Variants in DLGAP5 observed in about 807,000 individuals in gnomAD.
DLGAP5 encodes the protein DLG associated protein 5.
DLGAP5 carries 90 observed loss-of-function variants against 99.6 expected under a neutral mutation model. That is an observed-to-expected ratio of 0.90 (90% CI 0.76 to 1.08). The LOEUF is 1.08. Ranked by LOEUF, DLGAP5 falls within the 50% of genes least tolerant of loss-of-function variation. The probability of loss-of-function intolerance (pLI) is 0.00; values close to 1 mark genes in which losing one functional copy is unlikely to be tolerated. For synonymous variants in DLGAP5, 311 were observed against 321.3 expected (o/e 0.97, Z 0.34); for missense variants, 1,036 against 983.5 (o/e 1.05, Z -0.71).
intron 7 of DLGAP5, among the ~76,000 whole-genome samples, chr14:55,178,867 T>C (rs1193515597): frequency 2.0e-5 from 3 of 152,174 alleles, no homozygotes; most frequent in Non-Finnish European, 4.4e-5. Flanking sequence ...GCCAACATGG[T>C]GAAACCTCGT....
chr14:55,157,019 G>C (rs1368269809), intron 14 of DLGAP5, among the ~76,000 whole-genome samples: 2 of 152,230 alleles, frequency 1.3e-5, no homozygotes, highest in Non-Finnish European at 2.9e-5. Flanking sequence ...TGTCAAGAGA[G>C]ATGGTGGTAA....
intron 9 of DLGAP5, 56 bp downstream of exon 9, chr14:55,175,838 A>G: frequency 1.4e-6 from 2 of 1,435,730 alleles, no homozygotes; most frequent in Non-Finnish European, 1.9e-6. Flanking sequence ...TGAAAGCAAA[A>G]TATTTTTTGT....
At chr14:55,152,910 G>A (rs1399716430) in intron 15 of DLGAP5, among the ~76,000 whole-genome samples, 1 of 152,170 alleles carries the variant, frequency 6.6e-6, no homozygotes, top group African/African-American at 2.4e-5. Context: ...GGCTCTACCA[G>A]CAATACTCTG....
intron 12 of DLGAP5, among the ~76,000 whole-genome samples, chr14:55,167,576 T>G (rs1312833556): frequency 1.3e-5 from 2 of 152,216 alleles, no homozygotes; most frequent in Non-Finnish European, 2.9e-5. Context: ...CGCCTCTTTC[T>G]GGGAATGGAG....
intron 15 of DLGAP5, among the ~76,000 whole-genome samples, chr14:55,153,767 TAC>T (rs1342967639): frequency 6.6e-6 from 1 of 151,432 alleles, no homozygotes; most frequent in African/African-American, 2.4e-5. Context: ...CTACAAGATA[TAC>T]AAAGTAGGCC....
rs146451435 is a variant in DLGAP5 at position 55,151,483 on chromosome 14, G to C, written c.2368+212C>G. ...AGGTTGCAGTGAGCTGAGATCACAC[G>C]ACTACACTCCAGCCTGGGCAACAGA... On this transcript the variant is annotated intron_variant, in intron 17 of 18. Transcript: ENST00000247191. Among the ~76,000 whole-genome samples, 682 of 150,794 alleles carry C rather than the reference G, an allele frequency of 4.5e-3. 4 individuals are homozygous for C. Among genetic ancestry groups the C allele is most frequent in the Middle Eastern group, 0.01 (3 of 294 alleles).
chr14:55,149,197 G>A (rs767023701), intron 18 of DLGAP5, among the ~76,000 whole-genome samples: 2 of 152,098 alleles, frequency 1.3e-5, no homozygotes, highest in Non-Finnish European at 2.9e-5. Context: ...AAAATATTAC[G>A]ATTTGGTAAT....
intron 12 of DLGAP5, among the ~76,000 whole-genome samples, chr14:55,167,894 G>C (rs1882700059): frequency 6.6e-6 from 1 of 152,096 alleles, no homozygotes; most frequent in Non-Finnish European, 1.5e-5. Flanking sequence ...CTTTATCCCA[G>C]AGTTACATAA....
At chr14:55,174,043 G>A (rs924656771) in intron 10 of DLGAP5, among the ~76,000 whole-genome samples, 14 of 152,272 alleles carry the variant, frequency 9.2e-5, no homozygotes, top group East Asian at 5.8e-4. Flanking sequence ...CCGGTGAGCC[G>A]GGCGGAACAG....
chr14:55,189,213 T>A (rs762210896), intron 1 of DLGAP5, 33 bp from the exon 2 acceptor site: 22 of 1,521,654 alleles, frequency 1.4e-5, no homozygotes, highest in Non-Finnish European at 1.9e-5. Context: ...CCAACTTACA[T>A]GAATTTTCAT....
rs751057710 is a variant in DLGAP5 at position 55,188,984 on chromosome 14, T to G, written c.196A>C (p.Thr66Pro). ...TTTTCTGGAACAAGCCCTTGAGATG[T>G]CTCATCTAATTCAACAAGAATTCTA... ...EGRILVELDE[T>P]SQGLVPEKTN... The change falls in exon 2 of 19, where the codon ACA becomes CCA. Residue 66 changes from threonine to proline, a missense_variant. Physicochemically the swap from Thr to Pro is conservative, Grantham distance 38 (BLOSUM62 -1). Transcript: ENST00000247191. The G allele has an allele frequency of 4.9e-5, 79 of 1,613,640 alleles. No homozygotes were observed. Among genetic ancestry groups the G allele is most frequent in the Non-Finnish European group, 6.7e-5 (79 of 1,179,934 alleles).
chr14:55,183,623 A>G lies in DLGAP5; in HGVS notation c.369T>C (p.Tyr123=), dbSNP rs752637328. ...AAAGAAAACAAGGCATATCAGGTCT[A>G]TAACGACCCACTTTAAATATTCCTC... is the stretch of plus-strand genomic sequence containing the variant. ...AKRGIFKVGR[Y]RPDMPCFLLS... The change falls in exon 3 of 19, where the codon TAT becomes TAC. Residue 123 remains tyrosine (Y), a synonymous_variant. Transcript: ENST00000247191. 8.1e-6 allele frequency: 13 copies of G among 1,609,894 alleles called. No individual in the cohort carries two copies. Among genetic ancestry groups the G allele is most frequent in the South Asian group, 4.5e-5 (4 of 89,786 alleles).
At chr14:55,159,963 G>T (rs765602899) in intron 13 of DLGAP5, among the ~76,000 whole-genome samples, 1 of 152,196 alleles carries the variant, frequency 6.6e-6, no homozygotes, top group Admixed American at 6.5e-5. Context: ...CGCACTTTGG[G>T]AGGCTGAGGC....
At chr14:55,167,155 G>A (rs1448832007) in intron 12 of DLGAP5, among the ~76,000 whole-genome samples, 2 of 151,394 alleles carry the variant, frequency 1.3e-5, no homozygotes, top group African/African-American at 2.4e-5. Flanking sequence ...TCGGGAGGCA[G>A]AGGCAGGAGA....
intron 13 of DLGAP5, among the ~76,000 whole-genome samples, chr14:55,162,340 C>T (rs1328122442): frequency 6.6e-6 from 1 of 152,114 alleles, no homozygotes; most frequent in Non-Finnish European, 1.5e-5. Flanking sequence ...AACCTTTAGG[C>T]CGGGCACGGT....
intron 12 of DLGAP5, among the ~76,000 whole-genome samples, chr14:55,168,980 T>A (rs919026246): frequency 6.6e-6 from 1 of 151,778 alleles, no homozygotes; most frequent in Admixed American, 6.6e-5. Flanking sequence ...ATCGAGACCA[T>A]CCTGGCTAAC....
chr14:55,160,178 G>C (rs184766670), intron 13 of DLGAP5, among the ~76,000 whole-genome samples: 110 of 152,110 alleles, frequency 7.2e-4, no homozygotes, highest in African/African-American at 2.5e-3. Context: ...ACTCCAGCCT[G>C]GGCCACACAC....
At chr14:55,149,885 C>T (rs1369252940) in intron 18 of DLGAP5, among the ~76,000 whole-genome samples, 6 of 151,930 alleles carry the variant, frequency 3.9e-5, no homozygotes, top group South Asian at 4.2e-4. Flanking sequence ...CCCCGCATCT[C>T]TACTAAAAAA....
intron 14 of DLGAP5, among the ~76,000 whole-genome samples, chr14:55,155,245 G>A (rs1344515263): frequency 1.3e-5 from 2 of 151,176 alleles, no homozygotes; most frequent in Non-Finnish European, 1.5e-5. Flanking sequence ...GGCTGGTCTC[G>A]AACTCCTGAC....
Sources: gnomAD v4.1 joint callset for allele counts (sites outside exome capture counted in the v4.1 genomes callset) on GRCh38, gnomAD v4.1.1 for gene constraint, MANE v1.5 for transcripts, NCBI Gene and HGNC (gene_info 2026-07-23, HGNC 2026-07-21) for gene names.